MAD2L1: variants seen among roughly 807,000 people sequenced by gnomAD.
The protein encoded by MAD2L1 is mitotic spindle assembly checkpoint protein MAD2A.
In MAD2L1, 10 loss-of-function variants were observed where a neutral mutation model predicts 25.9. The observed-to-expected ratio is 0.39, with a 90% CI of 0.24 to 0.66. The LOEUF is 0.66. Ranked by LOEUF, MAD2L1 falls within the 30% of genes least tolerant of loss-of-function variation. The pLI is 0.49. For missense variants in MAD2L1, 180 were observed against 246.4 expected, an observed-to-expected ratio of 0.73 and a Z score of 1.80; for synonymous variants, 81 against 91.8, an observed-to-expected ratio of 0.88 and a Z score of 0.67.
intron 4 of MAD2L1, among the ~76,000 whole-genome samples, chr4:120,060,546 T>G (rs1193031779): frequency 6.6e-6 from 1 of 152,180 alleles, no homozygotes; most frequent in Non-Finnish European, 1.5e-5. Flanking sequence ...ACAAGAATAG[T>G]GATGCCAGCA....
Position 120,059,722 on chromosome 4 carries a change from T to C in MAD2L1, c.*396A>G, listed in dbSNP as rs1726178191. On this transcript the variant is annotated 3_prime_UTR_variant, in exon 5 of 5. Transcript: ENST00000296509. ...TAACAAAGATTCTGAATATTTAGAC[T>C]TCCTTTGTTGTATTTTATACTTAAA... 1.3e-5 allele frequency: 2 copies of C among 154,482 alleles called. No individual in the cohort carries two copies. The highest frequency in any genetic ancestry group is 2.9e-5 in the Non-Finnish European group (2 of 69,626). 9.6% of individuals were successfully genotyped at this position (154,482 alleles called of 1,614,324 possible).
rs1299951863 is a variant in MAD2L1, at chr4:120,057,920, T to A, written c.*2198A>T. On this transcript the variant is annotated 3_prime_UTR_variant, in exon 5 of 5. Coordinates refer to ENST00000296509, the MANE Select transcript of MAD2L1 (RefSeq NM_002358.4). ...CTCTGTCGCCCAGGCTAGAGTACAG[T>A]GGCACGGTCTTGGCTCACCGCAACC... 6.6e-6 allele frequency: 1 copy of A among 152,252 alleles called. No homozygotes were observed. The highest frequency in any genetic ancestry group is 6.5e-5 in the Admixed American group (1 of 15,288). The allele number at this position is 152,252 out of a possible 1,614,324, so 9.4% of individuals were successfully genotyped here. A position where few individuals can be genotyped will look rare whatever the true frequency, so the allele number is the denominator to read the frequency against.
intron 2 of MAD2L1, among the ~76,000 whole-genome samples, chr4:120,063,048 T>C (rs946425856): frequency 7.9e-5 from 12 of 152,186 alleles, no homozygotes; most frequent in Admixed American, 5.9e-4. Flanking sequence ...TAGTCATTCA[T>C]TGAGAGAAAA....
At chr4:120,060,722 G>A (rs1007500705) in intron 4 of MAD2L1, 152 bp downstream of exon 4, 7 of 566,692 alleles carry the variant, frequency 1.2e-5, no homozygotes, top group African/African-American at 5.7e-5. Flanking sequence ...GGGAGACTAC[G>A]ATACATTACT....
At position 120,056,975 on chromosome 4, in the gene MAD2L1, T is replaced by A. The variant is rs1278596556; in HGVS notation, c.*3143A>T. 6.6e-6 allele frequency: 1 copy of A among 152,224 alleles called. No individual in the cohort carries two copies. The highest frequency in any genetic ancestry group is 1.5e-5 in the Non-Finnish European group (1 of 68,040). The allele number at this position is 152,224 out of a possible 1,614,324, so 9.4% of individuals were successfully genotyped here. A position where few individuals can be genotyped will look rare whatever the true frequency, so the allele number is the denominator to read the frequency against. On this transcript the variant is annotated 3_prime_UTR_variant, in exon 5 of 5. Transcript: ENST00000296509. ...ATGTTTTACAAGTGAGCTTTAAATA[T>A]TACGGTATCAAATGCTCTGAACTAG...
At position 120,065,689 on chromosome 4, in the gene MAD2L1, A is replaced by C; in HGVS notation, c.203T>G (p.Val68Gly). The stretch of plus-strand genomic sequence containing the variant: ...TAAAATACCTTTCAGTTGTTCCACC[A>C]CATTATTTAGGTATTTTATGAGCTC... The part of the protein sequence containing the change: ...DLELIKYLNN[V>G]VEQLKDWLYK... Residue 68 changes from valine to glycine, a missense_variant, in exon 2 of 5, where the codon GTG (valine) becomes GGG (glycine). By Grantham distance (109) the Val-to-Gly change is moderately radical. Coordinates refer to ENST00000296509, the MANE Select transcript of MAD2L1 (RefSeq NM_002358.4). 6.2e-7 allele frequency: 1 copy of C among 1,613,698 alleles called. No homozygotes were observed. Among genetic ancestry groups the C allele is most frequent in the South Asian group, 1.1e-5 (1 of 91,034 alleles).
rs1212845830 is a variant in MAD2L1 at position 120,060,908 on chromosome 4, A to C, written c.411T>G (p.Ala137=). The C allele has an allele frequency of 1.9e-6, 3 of 1,610,328 alleles. No individual in the cohort carries two copies. Among genetic ancestry groups the C allele is most frequent in the Non-Finnish European group, 2.5e-6 (3 of 1,177,226 alleles). The change falls in exon 4 of 5, where the codon GCT becomes GCG. Residue 137 remains alanine, a synonymous_variant. Coordinates refer to ENST00000296509, the MANE Select transcript of MAD2L1 (RefSeq NM_002358.4). ...CCAACAGTGGCAGAAATGTCACCGT[A>C]GCTGTGATCTGTCTGATCACTGAAC... ...EIRSVIRQIT[A]TVTFLPLLEV...
rs1726123785 is a variant in MAD2L1, at chr4:120,057,097, T to C, written c.*3021A>G. ...GGGGCCGAAGCAAACAGCCATGTTT[T>C]TTTCTTATTGGAACACACTCACGCT... On this transcript the variant is annotated 3_prime_UTR_variant, in exon 5 of 5. Coordinates refer to ENST00000296509, the MANE Select transcript of MAD2L1 (RefSeq NM_002358.4). The C allele has an allele frequency of 6.6e-6, 1 of 152,200 alleles. No homozygotes were observed. Among genetic ancestry groups the C allele is most frequent in the African/African-American group, 2.4e-5 (1 of 41,430 alleles). 9.4% of individuals were successfully genotyped at this position (152,200 alleles called of 1,614,324 possible).
chr4:120,064,957 A>G (rs1726289781), intron 2 of MAD2L1, among the ~76,000 whole-genome samples: 1 of 152,226 alleles, frequency 6.6e-6, no homozygotes, highest in Non-Finnish European at 1.5e-5. Context: ...TTGAACAATT[A>G]GAAATGAGAA....
chr4:120,066,642 T>TGGCCTG lies in MAD2L1; in HGVS notation c.73+14_73+19dup. On this transcript the variant is annotated intron_variant, in intron 1 of 4. Transcript: ENST00000296509. ...CACGACTCCGTTCCCCCCGATATAT[T>TGGCCTG]GGCCTGCGCGAGAACTTACAGAAGA... The TGGCCTG allele has an allele frequency of 6.3e-7, 1 of 1,593,470 alleles. No individual in the cohort carries two copies.
chr4:120,062,215 C>T, intron 2 of MAD2L1, 120 bp from the exon 3 acceptor site: 1 of 842,168 alleles, frequency 1.2e-6, no homozygotes, highest in Non-Finnish European at 1.8e-6. Context: ...GGACCTCCTC[C>T]TATGTGCAAG....
At chr4:120,060,798 T>C in intron 4 of MAD2L1, 76 bp downstream of exon 4, 1 of 845,192 alleles carries the variant, frequency 1.2e-6, no homozygotes, top group Non-Finnish European at 1.9e-6. Flanking sequence ...CAAAATTTAA[T>C]AAAGGGGTGA....
chr4:120,063,883 G>A (rs906697424), intron 2 of MAD2L1, among the ~76,000 whole-genome samples: 1 of 152,030 alleles, frequency 6.6e-6, no homozygotes, highest in African/African-American at 2.4e-5. Flanking sequence ...GGTGGCAGGC[G>A]CTTATAATCT....
intron 2 of MAD2L1, among the ~76,000 whole-genome samples, chr4:120,062,976 G>C (rs1290809302): frequency 1.3e-5 from 2 of 152,198 alleles, no homozygotes; most frequent in East Asian, 1.9e-4. Flanking sequence ...AGTCACGATA[G>C]TAAGGAAGAA....
Position 120,065,656 on chromosome 4 carries a change from C to A in MAD2L1, c.220+16G>T. On this transcript the variant is annotated intron_variant, in intron 2 of 4. Transcript: ENST00000296509. ...AAAATCTGCAAGACTCAAATTGTTTCCAATGATTAAAATACCTTTCAGTTG... is the reference window on the plus strand; with the variant it reads ...AAAATCTGCAAGACTCAAATTGTTTACAATGATTAAAATACCTTTCAGTTG... 1 of 1,611,988 alleles carries A rather than the reference C, an allele frequency of 6.2e-7. No individual in the cohort carries two copies. Among genetic ancestry groups the A allele is most frequent in the South Asian group, 1.1e-5 (1 of 90,928 alleles).
At chr4:120,063,990 CA>C (rs956553697) in intron 2 of MAD2L1, among the ~76,000 whole-genome samples, 55 of 152,084 alleles carry the variant, frequency 3.6e-4, no homozygotes, top group Non-Finnish European at 6.6e-4. Context: ...AGACTCCAAA[CA>C]AAAAACAAAC....
Position 120,059,401 on chromosome 4 carries a change from C to T in MAD2L1, c.*717G>A, listed in dbSNP as rs1726172985. 6.6e-6 allele frequency: 1 copy of T among 152,130 alleles called. No individual in the cohort carries two copies. The highest frequency in any genetic ancestry group is 1.5e-5 in the Non-Finnish European group (1 of 68,010). 9.4% of individuals were successfully genotyped at this position (152,130 alleles called of 1,614,324 possible). A position where few individuals can be genotyped will look rare whatever the true frequency, so the allele number is the denominator to read the frequency against. On this transcript the variant is annotated 3_prime_UTR_variant, in exon 5 of 5. Transcript: ENST00000296509. ...TCTAATTACCATTTAACTATATCAA[C>T]ACCAAACCAGTATCAAAATGTTTTA...
At chr4:120,066,566 C>T (rs1578461848) in intron 1 of MAD2L1, 96 bp downstream of exon 1, 1 of 1,151,114 alleles carries the variant, frequency 8.7e-7, no homozygotes, top group East Asian at 2.5e-5. Flanking sequence ...CCGCCTCTCC[C>T]CAGATTACTT....
chr4:120,061,072 C>A, intron 3 of MAD2L1, 95 bp from the exon 4 acceptor site: 1 of 699,636 alleles, frequency 1.4e-6, no homozygotes, highest in Non-Finnish European at 2.5e-6. Context: ...TAAATGCTCT[C>A]AACATCAAAT....
Sources: gnomAD v4.1 joint callset for allele counts (sites outside exome capture counted in the v4.1 genomes callset) on GRCh38, gnomAD v4.1.1 for gene constraint, MANE v1.5 for transcripts, NCBI Gene and HGNC (gene_info 2026-07-23, HGNC 2026-07-21) for gene names.